NKAIN2: variants seen among roughly 807,000 people sequenced by gnomAD.
The protein encoded by NKAIN2 is sodium/potassium-transporting ATPase subunit beta-1-interacting protein 2.
In NKAIN2, 14 loss-of-function variants were observed where a neutral mutation model predicts 32.6. The ratio of observed to expected loss-of-function variants is 0.43; its 90% CI spans 0.28 to 0.67. The LOEUF (loss-of-function observed/expected upper bound fraction) is 0.67. NKAIN2 is among the 30% of genes least tolerant of loss of function. The pLI is 0.17. For synonymous variants in NKAIN2, 80 were observed against 87.2 expected (o/e 0.92, Z 0.46); for missense variants, 198 against 258.3 (o/e 0.77, Z 1.60).
At chr6:124,658,458 C>T in intron 4 of NKAIN2, 72 bp downstream of exon 4, 1 of 1,609,474 alleles carries the variant, frequency 6.2e-7, no homozygotes, top group Non-Finnish European at 8.5e-7. Flanking sequence ...ACTCAGTGCA[C>T]ACAAATGGAA....
chr6:124,383,190 G>A (rs9491145), intron 3 of NKAIN2, among the ~76,000 whole-genome samples: 12 of 151,858 alleles, frequency 7.9e-5, no homozygotes, highest in African/African-American at 2.2e-4. Context: ...ATTTTACCTC[G>A]CTAGTGTCTT....
intron 1 of NKAIN2, among the ~76,000 whole-genome samples, chr6:123,816,869 A>C (rs1008495698): frequency 1.3e-5 from 2 of 152,184 alleles, no homozygotes; most frequent in African/African-American, 4.8e-5. Flanking sequence ...CCTAATTGGT[A>C]GAGTGTCTAG....
intron 1 of NKAIN2, among the ~76,000 whole-genome samples, chr6:124,256,248 A>C (rs1793923826): frequency 6.6e-6 from 1 of 152,220 alleles, no homozygotes; most frequent in Non-Finnish European, 1.5e-5. Context: ...AATTTTTCTT[A>C]GGAAAACTGC....
At chr6:123,946,914 GTCCC>G (rs1447959957) in intron 1 of NKAIN2, among the ~76,000 whole-genome samples, 4 of 152,172 alleles carry the variant, frequency 2.6e-5, no homozygotes, top group African/African-American at 9.7e-5. Context: ...TTGATTGGCA[GTCCC>G]TCCCTACTGG....
chr6:124,692,250 G>A (rs1334596021), intron 4 of NKAIN2, among the ~76,000 whole-genome samples: 1 of 152,090 alleles, frequency 6.6e-6, no homozygotes, highest in Non-Finnish European at 1.5e-5. Flanking sequence ...AAGTAGGATG[G>A]AAGTAATAAA....
rs1491204449 is a variant in NKAIN2 at position 124,687,425 on chromosome 6, ATG to A, written c.474+29041_474+29042del. ...TGTATGTATGGAATATATATATTCC[ATG>A]TATACCATATACATACATGGTATAT... is the stretch of plus-strand genomic sequence containing the variant. On this transcript the variant is annotated intron_variant, in intron 4 of 6. Coordinates refer to ENST00000368417, the MANE Select transcript of NKAIN2 (RefSeq NM_001040214.3). Among the ~76,000 whole-genome samples, 459 of 100,908 alleles carry A rather than the reference ATG, an allele frequency of 4.5e-3. 27 individuals carry two copies. Among genetic ancestry groups the A allele is most frequent in the African/African-American group, 0.016 (438 of 27,726 alleles). The allele number at this position is 100,908 out of a possible 152,430, so 66.2% of individuals were successfully genotyped here. A position where few individuals can be genotyped will look rare whatever the true frequency, so the allele number is the denominator to read the frequency against.
chr6:124,647,664 A>G (rs1784230376), intron 3 of NKAIN2, among the ~76,000 whole-genome samples: 1 of 152,126 alleles, frequency 6.6e-6, no homozygotes, highest in Admixed American at 6.5e-5. Context: ...CAAAAGAAAG[A>G]AAGAATGGAA....
intron 1 of NKAIN2, among the ~76,000 whole-genome samples, chr6:123,899,982 G>A (rs180752562): frequency 1.2e-3 from 178 of 152,186 alleles, no homozygotes; most frequent in African/African-American, 4.1e-3. Flanking sequence ...CATGATGCTC[G>A]ACCTGCTTAG....
intron 3 of NKAIN2, among the ~76,000 whole-genome samples, chr6:124,616,028 TAG>T (rs1491417675): frequency 1.3e-5 from 2 of 152,190 alleles, no homozygotes; most frequent in Non-Finnish European, 2.9e-5. Flanking sequence ...TTCTGCTGCT[TAG>T]AGTTTTTTCT....
At chr6:124,313,049 G>A (rs1011570675) in intron 2 of NKAIN2, among the ~76,000 whole-genome samples, 1 of 152,072 alleles carries the variant, frequency 6.6e-6, no homozygotes, top group African/African-American at 2.4e-5. Flanking sequence ...GGAGTCATAA[G>A]CTAGGAACCA....
intron 1 of NKAIN2, among the ~76,000 whole-genome samples, chr6:123,975,532 T>C (rs190772188): frequency 9.8e-4 from 150 of 152,310 alleles, no homozygotes; most frequent in African/African-American, 3.0e-3. Flanking sequence ...CTTAATCCAC[T>C]TGGACTGCTG....
At chr6:124,262,101 C>T (rs367920062) in intron 1 of NKAIN2, among the ~76,000 whole-genome samples, 12 of 152,068 alleles carry the variant, frequency 7.9e-5, no homozygotes, top group Admixed American at 7.2e-4. Context: ...GCCTGACAGA[C>T]GTTAGTTGTT....
At chr6:124,668,420 C>T (rs1352101673) in intron 4 of NKAIN2, among the ~76,000 whole-genome samples, 1 of 152,056 alleles carries the variant, frequency 6.6e-6, no homozygotes, top group Admixed American at 6.6e-5. Context: ...TCATCAACAA[C>T]GTTATAAATA....
At position 124,459,170 on chromosome 6, in the gene NKAIN2, TC is replaced by T. The variant is rs563384183; in HGVS notation, c.273+103827del. 2.5e-3 allele frequency among the ~76,000 whole-genome samples: 375 copies of T among 151,396 alleles called. 2 individuals carry two copies. Among genetic ancestry groups the T allele is most frequent in the African/African-American group, 7.6e-3 (313 of 41,312 alleles). ...CCCACTGAGGCAAAGAGAGGAGGAG[TC>T]CCCAAAGACAAATAAAATAATAAAT... is the stretch of plus-strand genomic sequence containing the variant. On this transcript the variant is annotated intron_variant, in intron 3 of 6. Transcript: ENST00000368417.
At chr6:124,224,062 G>A (rs1327652407) in intron 1 of NKAIN2, among the ~76,000 whole-genome samples, 1 of 152,130 alleles carries the variant, frequency 6.6e-6, no homozygotes, top group Non-Finnish European at 1.5e-5. Flanking sequence ...ATCTCTCAGA[G>A]TCAAGAACAA....
chr6:124,409,356 G>A (rs1583204877), intron 3 of NKAIN2, among the ~76,000 whole-genome samples: 1 of 152,050 alleles, frequency 6.6e-6, no homozygotes, highest in South Asian at 2.1e-4. Flanking sequence ...TTATTATTTT[G>A]AGATACGTCC....
chr6:124,024,071 A>G lies in NKAIN2; in HGVS notation c.54+219817A>G, dbSNP rs547864123. Among the ~76,000 whole-genome samples, 6 of 152,250 alleles carry G rather than the reference A, an allele frequency of 3.9e-5. No homozygotes were observed. In the South Asian group the frequency reaches 1.2e-3, roughly 32 times the overall value. ...GGGTGCAATTGGTTAAAAAAATGGGAAAGATGGTTTGTTAGTTAAGAAACT... is the reference window on the plus strand; with the variant it reads ...GGGTGCAATTGGTTAAAAAAATGGGGAAGATGGTTTGTTAGTTAAGAAACT... On this transcript the variant is annotated intron_variant, in intron 1 of 6. Transcript: ENST00000368417.
At chr6:124,701,593 A>T (rs1177078880) in intron 4 of NKAIN2, among the ~76,000 whole-genome samples, 1 of 152,140 alleles carries the variant, frequency 6.6e-6, no homozygotes, top group African/African-American at 2.4e-5. Context: ...TATTACCTAT[A>T]ACACTGATAT....
At chr6:124,093,690 G>A (rs921507444) in intron 1 of NKAIN2, among the ~76,000 whole-genome samples, 24 of 152,022 alleles carry the variant, frequency 1.6e-4, no homozygotes, top group African/African-American at 5.3e-4. Context: ...CAACATTTAC[G>A]ACAGGAAAAT....
Sources: gnomAD v4.1 joint callset for allele counts (sites outside exome capture counted in the v4.1 genomes callset) on GRCh38, gnomAD v4.1.1 for gene constraint, MANE v1.5 for transcripts, NCBI Gene and HGNC (gene_info 2026-07-23, HGNC 2026-07-21) for gene names.